NUBPL: variants seen among roughly 807,000 people sequenced by gnomAD.
NUBPL encodes the protein iron-sulfur cluster transfer protein NUBPL.
Under a neutral mutation model 45.7 loss-of-function variants are expected in NUBPL, and 31 were observed. That is an observed-to-expected ratio of 0.68 (90% CI 0.51 to 0.92). NUBPL has a LOEUF of 0.92. Ranked by LOEUF, NUBPL falls within the 40% of genes least tolerant of loss-of-function variation. NUBPL has a pLI of 0.00. For missense variants in NUBPL, 401 were observed against 398.7 expected, an observed-to-expected ratio of 1.01 and a Z score of -0.05; for synonymous variants, 144 against 140.9, an observed-to-expected ratio of 1.02 and a Z score of -0.15.
At chr14:31,727,743 C>T (rs1335703224) in intron 6 of NUBPL, among the ~76,000 whole-genome samples, 1 of 152,060 alleles carries the variant, frequency 6.6e-6, no homozygotes, top group African/African-American at 2.4e-5. Context: ...TTGTTTAAAT[C>T]CAAATAGCAA....
intron 6 of NUBPL, among the ~76,000 whole-genome samples, chr14:31,744,648 G>A (rs1235298803): frequency 7.9e-5 from 10 of 126,556 alleles, no homozygotes; most frequent in Admixed American, 5.4e-4. Flanking sequence ...TTGAGATGGA[G>A]TCTCACTCTG....
chr14:31,792,610 G>A (rs1243541531), intron 7 of NUBPL, among the ~76,000 whole-genome samples: 1 of 151,878 alleles, frequency 6.6e-6, no homozygotes, highest in Admixed American at 6.6e-5. Context: ...AACAATGAAA[G>A]ACTAGATTTC....
intron 6 of NUBPL, among the ~76,000 whole-genome samples, chr14:31,720,277 C>T (rs1326947939): frequency 3.3e-5 from 5 of 152,194 alleles, no homozygotes; most frequent in South Asian, 2.1e-4. Context: ...GCAATAATAA[C>T]GTGCATAGCT....
chr14:31,684,801 T>C, intron 6 of NUBPL, among the ~76,000 whole-genome samples: 1 of 152,308 alleles, frequency 6.6e-6, no homozygotes, highest in East Asian at 1.9e-4. Flanking sequence ...GATGTTATAA[T>C]GGGTATCAAC....
At chr14:31,775,807 G>A (rs2039088736) in intron 6 of NUBPL, among the ~76,000 whole-genome samples, 1 of 152,084 alleles carries the variant, frequency 6.6e-6, no homozygotes, top group Non-Finnish European at 1.5e-5. Context: ...TTTGGAGCCT[G>A]AAAGAGAACT....
At chr14:31,664,900 C>A (rs1356511784) in intron 4 of NUBPL, among the ~76,000 whole-genome samples, 1 of 152,090 alleles carries the variant, frequency 6.6e-6, no homozygotes, top group East Asian at 1.9e-4. Context: ...TTAATTACTG[C>A]CTTAATTTCA....
intron 4 of NUBPL, among the ~76,000 whole-genome samples, chr14:31,640,426 C>G (rs1206975301): frequency 6.6e-6 from 1 of 151,894 alleles, no homozygotes; most frequent in Non-Finnish European, 1.5e-5. Flanking sequence ...ATGGCAAAAC[C>G]CTGTCTCTGC....
chr14:31,764,979 T>C (rs2038884989), intron 6 of NUBPL, among the ~76,000 whole-genome samples: 1 of 152,208 alleles, frequency 6.6e-6, no homozygotes, highest in Non-Finnish European at 1.5e-5. Context: ...CTCAAAATCT[T>C]TTGTGTTATA....
chr14:31,840,594 A>AAGG (rs1041185164), intron 8 of NUBPL, among the ~76,000 whole-genome samples: 11 of 50,536 alleles, frequency 2.2e-4, no homozygotes, highest in Non-Finnish European at 4.9e-4. Context: ...AAAAAAAGAA[A>AAGG]AAGAAAGAAA....
At chr14:31,858,188 A>G (rs932040012) in intron 10 of NUBPL, among the ~76,000 whole-genome samples, 2 of 152,176 alleles carry the variant, frequency 1.3e-5, no homozygotes, top group African/African-American at 2.4e-5. Context: ...TAAAGCTATC[A>G]GATCTCATGA....
At chr14:31,731,470 G>A (rs2038046930) in intron 6 of NUBPL, among the ~76,000 whole-genome samples, 1 of 152,156 alleles carries the variant, frequency 6.6e-6, no homozygotes, top group East Asian at 1.9e-4. Flanking sequence ...TACTTATGTA[G>A]CATAGTCCAA....
chr14:31,799,401 A>G (rs528577425), intron 7 of NUBPL, among the ~76,000 whole-genome samples: 1 of 152,304 alleles, frequency 6.6e-6, no homozygotes, highest in Non-Finnish European at 1.5e-5. Flanking sequence ...ACCTTACTAA[A>G]CATCCCTGCA....
Position 31,859,386 on chromosome 14 carries a change from G to A in NUBPL, c.*206G>A, listed in dbSNP as rs575083611. 1.7e-6 allele frequency: 1 copy of A among 582,156 alleles called. No individual in the cohort carries two copies. The highest frequency in any genetic ancestry group is 2.0e-5 in the South Asian group (1 of 50,148). 36.1% of individuals were successfully genotyped at this position (582,156 alleles called of 1,614,324 possible). A position where few individuals can be genotyped will look rare whatever the true frequency, so the allele number is the denominator to read the frequency against. On this transcript the variant is annotated 3_prime_UTR_variant, in exon 11 of 11. Transcript: ENST00000281081. ...TAACTGCTATATTTAGGAATTTTTT[G>A]AAAGCTGGTGTGTACCACCTGCAAA...
intron 6 of NUBPL, among the ~76,000 whole-genome samples, chr14:31,757,019 A>T (rs1390118472): frequency 1.3e-5 from 2 of 151,982 alleles, no homozygotes; most frequent in Non-Finnish European, 2.9e-5. Context: ...ATTTGCATAT[A>T]TTGAACCAGC....
At chr14:31,813,486 TAC>T (rs2039854928) in intron 7 of NUBPL, among the ~76,000 whole-genome samples, 1 of 151,006 alleles carries the variant, frequency 6.6e-6, no homozygotes, top group East Asian at 1.9e-4. Context: ...TATATATATA[TAC>T]ACACATACAT....
chr14:31,581,819 T>C (rs533104965), intron 3 of NUBPL, among the ~76,000 whole-genome samples: 50 of 152,312 alleles, frequency 3.3e-4, no homozygotes, highest in African/African-American at 1.1e-3. Context: ...GTTATGAAAC[T>C]GGGTAAGTTT....
chr14:31,693,744 T>A (rs1182657904), intron 6 of NUBPL, among the ~76,000 whole-genome samples: 2 of 145,492 alleles, frequency 1.4e-5, no homozygotes, highest in South Asian at 2.1e-4. Context: ...GGAACATTAA[T>A]TAATTCAGTT....
At chr14:31,687,048 G>T (rs1485497694) in intron 6 of NUBPL, among the ~76,000 whole-genome samples, 1 of 152,212 alleles carries the variant, frequency 6.6e-6, no homozygotes, top group Non-Finnish European at 1.5e-5. Context: ...AGGAATTTGA[G>T]ATTGAAGTGA....
chr14:31,681,703 G>C (rs529310327), intron 6 of NUBPL, among the ~76,000 whole-genome samples: 1 of 151,902 alleles, frequency 6.6e-6, no homozygotes, highest in Non-Finnish European at 1.5e-5. Context: ...CTTAGGCGTT[G>C]CTTAAACTTT....
Sources: gnomAD v4.1 joint callset for allele counts (sites outside exome capture counted in the v4.1 genomes callset) on GRCh38, gnomAD v4.1.1 for gene constraint, MANE v1.5 for transcripts, NCBI Gene and HGNC (gene_info 2026-07-23, HGNC 2026-07-21) for gene names.